The following DLG2 variants were observed in gnomAD, a reference collection of about 807,000 sequenced individuals.
DLG2 encodes the protein disks large homolog 2.
DLG2 carries 45 observed loss-of-function variants against 132.5 expected under a neutral mutation model. The observed-to-expected ratio is 0.34, with a 90% confidence interval of 0.27 to 0.44. DLG2 has a LOEUF of 0.44. DLG2 is among the 20% of genes least tolerant of loss of function. The pLI, the probability that DLG2 is intolerant of heterozygous loss-of-function variation, is 1.00. For synonymous variants in DLG2, 424 were observed against 419.6 expected (o/e 1.01, Z -0.13); for missense variants, 1,045 against 1,196.9 (o/e 0.87, Z 1.87).
At chr11:85,177,187 C>A (rs973125982) in intron 4 of DLG2, among the ~76,000 whole-genome samples, 1 of 151,210 alleles carries the variant, frequency 6.6e-6, no homozygotes, top group South Asian at 2.1e-4. Flanking sequence ...TTCACAATAG[C>A]AAAGACATGG....
At chr11:84,336,634 G>C (rs1222603632) in intron 7 of DLG2, among the ~76,000 whole-genome samples, 1 of 152,002 alleles carries the variant, frequency 6.6e-6, no homozygotes, top group Admixed American at 6.6e-5. Context: ...TCCTCTGGTG[G>C]GCCATCATCT....
intron 8 of DLG2, among the ~76,000 whole-genome samples, chr11:84,244,401 G>A (rs2097274922): frequency 6.6e-6 from 1 of 152,148 alleles, no homozygotes; most frequent in South Asian, 2.1e-4. Context: ...GGCCAGGCTA[G>A]TCTCAAACTC....
At chr11:85,421,357 G>C (rs936068977) in intron 3 of DLG2, among the ~76,000 whole-genome samples, 2 of 151,768 alleles carry the variant, frequency 1.3e-5, no homozygotes, top group Non-Finnish European at 2.9e-5. Context: ...CGTTGATCTC[G>C]CTGGGAGCTA....
intron 7 of DLG2, among the ~76,000 whole-genome samples, chr11:84,314,525 A>C (rs1270032716): frequency 6.6e-6 from 1 of 152,132 alleles, no homozygotes; most frequent in Non-Finnish European, 1.5e-5. Flanking sequence ...ATAAATGGAA[A>C]CAGATCTATA....
chr11:85,605,081 G>C (rs1409035458), intron 2 of DLG2, among the ~76,000 whole-genome samples: 9 of 152,170 alleles, frequency 5.9e-5, no homozygotes, highest in Admixed American at 5.2e-4. Flanking sequence ...ATTTAGAATA[G>C]TGAAATTATT....
intron 6 of DLG2, chr11:85,021,617 A>T: frequency 1.6e-5 from 21 of 1,334,848 alleles, no homozygotes; most frequent in East Asian, 2.3e-5. Context: ...GAGTTCATGG[A>T]GCGAGGATCT....
At chr11:84,982,639 A>T (rs1226574718) in intron 6 of DLG2, among the ~76,000 whole-genome samples, 1 of 152,178 alleles carries the variant, frequency 6.6e-6, no homozygotes, top group Admixed American at 6.6e-5. Context: ...GCCAGAAAAT[A>T]TATTTTTATG....
chr11:83,654,939 G>T (rs748945465), intron 18 of DLG2, among the ~76,000 whole-genome samples: 1 of 152,204 alleles, frequency 6.6e-6, no homozygotes, highest in Non-Finnish European at 1.5e-5. Context: ...CAGGACAAGA[G>T]AAACAACTAT....
chr11:85,106,248 T>A lies in DLG2; in HGVS notation c.357+5413A>T, dbSNP rs555427982. ...TAGTAGGAAGATGTTAAAGTGTTTT[T>A]AAATGAAAAGGAAAACCTGGCCCCA... is the stretch of plus-strand genomic sequence containing the variant. On this transcript the variant is annotated intron_variant, in intron 6 of 27. Coordinates refer to ENST00000376104, the MANE Select transcript of DLG2 (RefSeq NM_001142699.3). 1.8e-3 allele frequency among the ~76,000 whole-genome samples: 280 copies of A among 152,064 alleles called. 2 individuals carry two copies. The highest frequency in any genetic ancestry group is 5.4e-3 in the Admixed American group (83 of 15,230).
rs560240861 is a variant in DLG2, at chr11:85,340,177, G to T, written c.41-54812C>A. ...GGATTATAAATCATGCTACTATAAA[G>T]ACACATGCACACATATGTTTATTGT... On this transcript the variant is annotated intron_variant, in intron 3 of 27. Coordinates refer to ENST00000376104, the MANE Select transcript of DLG2 (RefSeq NM_001142699.3). 3.9e-5 allele frequency among the ~76,000 whole-genome samples: 6 copies of T among 152,290 alleles called. No homozygotes were observed. In the South Asian group the frequency reaches 6.2e-4, roughly 16 times the overall value.
rs190722331 is a variant in DLG2, at chr11:84,582,515, A to G, written c.358-47784T>C. On this transcript the variant is annotated intron_variant, in intron 6 of 27. Coordinates refer to ENST00000376104, the MANE Select transcript of DLG2 (RefSeq NM_001142699.3). ...ATACATACATATATATAAAATACAT[A>G]TATACATGTATTTTAAGTTAAAAGA... Among the ~76,000 whole-genome samples the G allele has an allele frequency of 2.8e-3, 420 of 148,944 alleles. 4 individuals carry two copies. The highest frequency in any genetic ancestry group is 9.5e-3 in the African/African-American group (389 of 40,908).
chr11:84,124,771 G>A (rs2094090221), intron 9 of DLG2, among the ~76,000 whole-genome samples: 1 of 151,696 alleles, frequency 6.6e-6, no homozygotes, highest in Non-Finnish European at 1.5e-5. Context: ...TTTAGACATG[G>A]CACTTAAATA....
intron 18 of DLG2, among the ~76,000 whole-genome samples, chr11:83,713,786 C>G (rs2086044919): frequency 6.6e-6 from 1 of 152,214 alleles, no homozygotes; most frequent in Non-Finnish European, 1.5e-5. Flanking sequence ...TAATTCTGCA[C>G]CTGCTTCGTC....
intron 19 of DLG2, among the ~76,000 whole-genome samples, chr11:83,583,694 A>C (rs530025220): frequency 1.3e-5 from 2 of 152,334 alleles, no homozygotes; most frequent in African/African-American, 4.8e-5. Flanking sequence ...CTGGACGATA[A>C]GTTTCTTGAG....
intron 8 of DLG2, among the ~76,000 whole-genome samples, chr11:84,228,470 T>C (rs1423903970): frequency 2.0e-5 from 3 of 152,204 alleles, no homozygotes; most frequent in East Asian, 1.9e-4. Context: ...CCAATTTATA[T>C]GTAGCTCATG....
chr11:84,736,759 C>A (rs2063884366), intron 6 of DLG2, among the ~76,000 whole-genome samples: 1 of 151,952 alleles, frequency 6.6e-6, no homozygotes, highest in Non-Finnish European at 1.5e-5. Flanking sequence ...CATTGCTAAA[C>A]TCACCTATTA....
chr11:85,193,284 C>T (rs555361), intron 4 of DLG2, among the ~76,000 whole-genome samples: 32,118 of 152,126 alleles, frequency 0.21, 4,257 homozygotes, highest in East Asian at 0.4. Context: ...CTCCCTTATA[C>T]AGATTCTATA....
chr11:84,137,348 C>T (rs2094640590), intron 9 of DLG2, among the ~76,000 whole-genome samples: 1 of 151,898 alleles, frequency 6.6e-6, no homozygotes, highest in Non-Finnish European at 1.5e-5. Context: ...AAAAAATAGC[C>T]CCATGTATTC....
intron 19 of DLG2, among the ~76,000 whole-genome samples, chr11:83,590,522 C>T (rs1463487910): frequency 6.6e-6 from 1 of 151,614 alleles, no homozygotes; most frequent in South Asian, 2.1e-4. Flanking sequence ...GCACTAAATG[C>T]CCACAAGAGA....
Sources: allele counts gnomAD v4.1 joint callset (sites outside exome capture counted in the v4.1 genomes callset), GRCh38; gene constraint gnomAD v4.1.1; transcripts MANE v1.5; gene names NCBI Gene and HGNC (gene_info 2026-07-23, HGNC 2026-07-21).